PCDH9: variants seen among roughly 807,000 people sequenced by gnomAD.
PCDH9 encodes protocadherin 9.
PCDH9 carries 24 observed loss-of-function variants against 70.6 expected under a neutral mutation model. That is an observed-to-expected ratio of 0.34 (90% confidence interval 0.25 to 0.48). The LOEUF is 0.48. PCDH9 is among the 20% of genes least tolerant of loss of function. The pLI, the probability that PCDH9 is intolerant of heterozygous loss-of-function variation, is 0.99. For synonymous variants in PCDH9, 562 were observed against 558.5 expected (o/e 1.01, Z -0.09); for missense variants, 1,281 against 1,503.6 (o/e 0.85, Z 2.45).
chr13:66,606,495 T>G (rs897277972), intron 4 of PCDH9, among the ~76,000 whole-genome samples: 1 of 152,086 alleles, frequency 6.6e-6, no homozygotes, highest in Non-Finnish European at 1.5e-5. Flanking sequence ...TACAGGGAGT[T>G]AGGATGATAA....
At chr13:66,657,169 A>G (rs1300056923) in intron 3 of PCDH9, among the ~76,000 whole-genome samples, 2 of 152,172 alleles carry the variant, frequency 1.3e-5, no homozygotes, top group Non-Finnish European at 2.9e-5. Flanking sequence ...ATAACCAATT[A>G]CACAAGTTTC....
chr13:66,947,463 G>A (rs761156513), intron 2 of PCDH9, among the ~76,000 whole-genome samples: 1 of 151,822 alleles, frequency 6.6e-6, no homozygotes, highest in South Asian at 2.1e-4. Context: ...ACAAATACAC[G>A]GATTACTGCA....
chr13:66,748,864 T>C (rs2079413363), intron 3 of PCDH9, among the ~76,000 whole-genome samples: 1 of 152,170 alleles, frequency 6.6e-6, no homozygotes, highest in African/African-American at 2.4e-5. Flanking sequence ...TCACCTTGAA[T>C]TGTTAATAAT....
intron 3 of PCDH9, among the ~76,000 whole-genome samples, chr13:66,760,499 T>G (rs1434970522): frequency 6.6e-6 from 1 of 152,150 alleles, no homozygotes; most frequent in Non-Finnish European, 1.5e-5. Flanking sequence ...TGCCTGTCTT[T>G]ACTTTAATCT....
chr13:66,308,908 A>G (rs1376344519), intron 4 of PCDH9, among the ~76,000 whole-genome samples: 2 of 152,092 alleles, frequency 1.3e-5, no homozygotes, highest in Non-Finnish European at 2.9e-5. Flanking sequence ...AAAAACAAAA[A>G]CAAAAACAAA....
chr13:66,720,785 G>T (rs185237268), intron 3 of PCDH9, among the ~76,000 whole-genome samples: 1 of 152,128 alleles, frequency 6.6e-6, no homozygotes, highest in East Asian at 1.9e-4. Context: ...AATAAATTCT[G>T]CCACACAATA....
chr13:67,023,434 C>T (rs2084718690), intron 2 of PCDH9, among the ~76,000 whole-genome samples: 1 of 152,144 alleles, frequency 6.6e-6, no homozygotes, highest in Admixed American at 6.5e-5. Flanking sequence ...ACATAATCAA[C>T]TTCCAGGAAA....
intron 4 of PCDH9, among the ~76,000 whole-genome samples, chr13:66,499,871 T>A (rs1959167677): frequency 6.6e-6 from 1 of 152,196 alleles, no homozygotes; most frequent in Non-Finnish European, 1.5e-5. Context: ...GAGCTGGTTG[T>A]TTCAGAGAGC....
chr13:67,170,867 G>A (rs1311159139), intron 2 of PCDH9, among the ~76,000 whole-genome samples: 4 of 152,244 alleles, frequency 2.6e-5, no homozygotes, highest in African/African-American at 4.8e-5. Flanking sequence ...GGAGGTTGCC[G>A]TGAGCCAAGA....
At chr13:66,789,951 A>G (rs1351098185) in intron 3 of PCDH9, among the ~76,000 whole-genome samples, 1 of 152,084 alleles carries the variant, frequency 6.6e-6, no homozygotes, top group Non-Finnish European at 1.5e-5. Flanking sequence ...AGTTACCAAT[A>G]TTGTTGTCAA....
chr13:67,062,781 C>T (rs1341898566), intron 2 of PCDH9, among the ~76,000 whole-genome samples: 1 of 152,076 alleles, frequency 6.6e-6, no homozygotes, highest in Non-Finnish European at 1.5e-5. Context: ...ATTAGCAAAA[C>T]ATGCTTTAGT....
chr13:67,033,673 T>C (rs17791056), intron 2 of PCDH9, among the ~76,000 whole-genome samples: 14,444 of 152,160 alleles, frequency 0.095, 750 homozygotes, highest in Non-Finnish European at 0.12. Context: ...GCTATACTCG[T>C]ACCACTGAGC....
At chr13:66,797,771 G>A (rs1419771363) in intron 3 of PCDH9, among the ~76,000 whole-genome samples, 7 of 151,696 alleles carry the variant, frequency 4.6e-5, no homozygotes, top group Non-Finnish European at 4.4e-5. Context: ...TTTTAATATG[G>A]GACATCACTG....
chr13:66,363,628 A>C (rs564713171), intron 4 of PCDH9, among the ~76,000 whole-genome samples: 1 of 152,310 alleles, frequency 6.6e-6, no homozygotes, highest in South Asian at 2.1e-4. Flanking sequence ...CACAAAACCA[A>C]CTCCACAGAA....
chr13:67,110,383 A>G (rs1186659870), intron 2 of PCDH9, among the ~76,000 whole-genome samples: 1 of 151,728 alleles, frequency 6.6e-6, no homozygotes, highest in Non-Finnish European at 1.5e-5. Flanking sequence ...GGGTGGCAGC[A>G]TGCGCCTGTA....
chr13:66,718,938 A>G (rs993980484), intron 3 of PCDH9, among the ~76,000 whole-genome samples: 1 of 152,226 alleles, frequency 6.6e-6, no homozygotes, highest in Non-Finnish European at 1.5e-5. Context: ...GCCAGCCTAG[A>G]CATGAACTAA....
intron 4 of PCDH9, among the ~76,000 whole-genome samples, chr13:66,348,347 C>T (rs1956242240): frequency 6.6e-6 from 1 of 152,016 alleles, no homozygotes; most frequent in African/African-American, 2.4e-5. Context: ...CAATAACTGC[C>T]CCATGTCATA....
chr13:66,866,151 CTCTG>C (rs1476034790), intron 3 of PCDH9, among the ~76,000 whole-genome samples: 1 of 152,152 alleles, frequency 6.6e-6, no homozygotes, highest in Admixed American at 6.5e-5. Flanking sequence ...TTCATCATCA[CTCTG>C]TCTGGGCAAT....
chr13:66,997,695 T>C (rs1239545600), intron 2 of PCDH9, among the ~76,000 whole-genome samples: 1 of 151,958 alleles, frequency 6.6e-6, no homozygotes, highest in Non-Finnish European at 1.5e-5. Context: ...TCACCATGCC[T>C]AGCTAATTTT....
Sources: gnomAD v4.1 joint callset for allele counts (sites outside exome capture counted in the v4.1 genomes callset) on GRCh38, gnomAD v4.1.1 for gene constraint, MANE v1.5 for transcripts, NCBI Gene and HGNC (gene_info 2026-07-23, HGNC 2026-07-21) for gene names.